Variants in FECH observed in about 807,000 individuals in gnomAD.
FECH encodes ferrochelatase, mitochondrial.
A neutral mutation model predicts 56.9 loss-of-function variants in FECH; 40 were observed. The ratio of observed to expected loss-of-function variants is 0.70; its 90% CI spans 0.55 to 0.92. The LOEUF is 0.92. FECH is among the 40% of genes least tolerant of loss of function. The pLI is 0.00. For missense variants in FECH, 431 were observed against 529.1 expected (o/e 0.81, Z 1.82); for synonymous variants, 175 against 198.6 (o/e 0.88, Z 1.00).
At position 57,562,925 on chromosome 18, in the gene FECH, C is replaced by T. The variant is rs187469660; in HGVS notation, c.654G>A (p.Thr218=). 44 of 1,613,910 alleles carry T rather than the reference C, an allele frequency of 2.7e-5. No homozygotes were observed. The Admixed American group carries it at 5.8e-4, about 21-fold the overall frequency. ...RYYNQVGRKP[T]MKWSTIDRWP... is the part of the protein sequence containing the mutation. ...ACCTGTCAATAGTGCTCCACTTCAT[C>T]GTGGGCTTCCGTCCCACTTGATTAT... Residue 218 remains threonine, a synonymous_variant, in exon 6 of 11, where the codon ACG becomes ACA. Transcript: ENST00000262093.
In FECH at chr18:57,564,147, G is replaced by A. The variant is rs147924968; in HGVS notation, c.599-1167C>T. Among the ~76,000 whole-genome samples, 322 of 152,214 alleles carry A rather than the reference G, an allele frequency of 2.1e-3. 2 individuals are homozygous for A. The highest frequency in any genetic ancestry group is 7.7e-3 in the South Asian group (37 of 4,818). On this transcript the variant is annotated intron_variant, in intron 5 of 10. Transcript: ENST00000262093. ...CCCGCCTGGGCCTCCCAAAGTGCTGGGATTACAGGGGTGAGCCACCGCGCC... is the reference window on the plus strand; with the variant it reads ...CCCGCCTGGGCCTCCCAAAGTGCTGAGATTACAGGGGTGAGCCACCGCGCC...
intron 2 of FECH, among the ~76,000 whole-genome samples, chr18:57,579,640 A>G (rs1344119856): frequency 3.9e-5 from 6 of 152,188 alleles, no homozygotes; most frequent in Non-Finnish European, 5.9e-5. Flanking sequence ...TACTTCTTTT[A>G]TAATTACGTT....
At chr18:57,564,691 G>A (rs1010257469) in intron 5 of FECH, among the ~76,000 whole-genome samples, 31 of 152,212 alleles carry the variant, frequency 2.0e-4, no homozygotes, top group African/African-American at 7.0e-4. Flanking sequence ...TCCATTCAAG[G>A]TTCAGAAACA....
chr18:57,560,724 T>C (rs2050933516), intron 6 of FECH, among the ~76,000 whole-genome samples: 1 of 152,226 alleles, frequency 6.6e-6, no homozygotes, highest in Non-Finnish European at 1.5e-5. Context: ...ATCTTGTAAC[T>C]TTTCTGCATA....
At chr18:57,585,174 T>C (rs2051349016) in intron 1 of FECH, among the ~76,000 whole-genome samples, 1 of 152,186 alleles carries the variant, frequency 6.6e-6, no homozygotes, top group Admixed American at 6.5e-5. Context: ...TATAAAACTT[T>C]GCTTTTCCAC....
intron 9 of FECH, among the ~76,000 whole-genome samples, chr18:57,552,825 G>A (rs2050816220): frequency 6.6e-6 from 1 of 152,212 alleles, no homozygotes; most frequent in Admixed American, 6.5e-5. Flanking sequence ...ATAAAAGTCA[G>A]TTACAACAGA....
intron 2 of FECH, among the ~76,000 whole-genome samples, chr18:57,579,361 C>G (rs1386971369): frequency 6.6e-6 from 1 of 151,176 alleles, no homozygotes; most frequent in Non-Finnish European, 1.5e-5. Context: ...TGTGATCTAG[C>G]AGAAAGGTCA....
chr18:57,548,558 A>G lies in FECH; in HGVS notation c.*2154T>C, dbSNP rs2050750186. ...GCTAATTACCAGGGCAAACATTTGT[A>G]TTTCAAAGTTGACCAACAGGATGAC... On this transcript the variant is annotated 3_prime_UTR_variant, in exon 11 of 11. Transcript: ENST00000262093. 6.6e-6 allele frequency: 1 copy of G among 152,224 alleles called. No homozygotes were observed. The allele number at this position is 152,224 out of a possible 1,614,324, so 9.4% of individuals were successfully genotyped here.
intron 7 of FECH, among the ~76,000 whole-genome samples, chr18:57,555,546 A>C (rs1287018586): frequency 6.6e-6 from 1 of 152,230 alleles, no homozygotes; most frequent in Non-Finnish European, 1.5e-5. Context: ...CAAATGTTTC[A>C]TACATGATCC....
At chr18:57,559,041 C>G (rs2050904966) in intron 7 of FECH, 104 bp downstream of exon 7, 4 of 802,136 alleles carry the variant, frequency 5.0e-6, no homozygotes, top group Middle Eastern at 2.2e-4. Context: ...CATTCTTGCA[C>G]TGGGCTTAGG....
At chr18:57,569,008 A>C (rs1196447954) in intron 4 of FECH, among the ~76,000 whole-genome samples, 2 of 152,202 alleles carry the variant, frequency 1.3e-5, no homozygotes, top group African/African-American at 4.8e-5. Context: ...TTAAGTAAGT[A>C]AACTGCCTGA....
intron 4 of FECH, among the ~76,000 whole-genome samples, chr18:57,570,031 TCG>T (rs1491211390): frequency 8.7e-4 from 69 of 79,124 alleles, no homozygotes; most frequent in African/African-American, 1.3e-3. Flanking sequence ...GTTGTTGTTG[TCG>T]TGTGTGTGTG....
intron 1 of FECH, among the ~76,000 whole-genome samples, chr18:57,580,856 C>T (rs192811359): frequency 6.6e-6 from 1 of 151,652 alleles, no homozygotes; most frequent in Non-Finnish European, 1.5e-5. Context: ...GTCCCCCAAG[C>T]TCCACACCCA....
chr18:57,570,032 C>CGTGTGT lies in FECH; in HGVS notation c.463+1354_463+1359dup, dbSNP rs10608112. Among the ~76,000 whole-genome samples the CGTGTGT allele has an allele frequency of 5.9e-3, 722 of 122,828 alleles. 3 individuals carry two copies. Among genetic ancestry groups the CGTGTGT allele is most frequent in the Non-Finnish European group, 6.6e-3 (364 of 55,496 alleles). 80.6% of individuals were successfully genotyped at this position (122,828 alleles called of 152,430 possible). A position where few individuals can be genotyped will look rare whatever the true frequency, so the allele number is the denominator to read the frequency against. On this transcript the variant is annotated intron_variant, in intron 4 of 10. Transcript: ENST00000262093. ...TTGCTGTTGTTGTTGTTGTTGTTGTCGTGTGTGTGTGTGTGTGTGTGTGTG... is the reference window on the plus strand; with the variant it reads ...TTGCTGTTGTTGTTGTTGTTGTTGTCGTGTGTGTGTGTGTGTGTGTGTGTGTGTGTG...
At chr18:57,571,747 C>A in intron 3 of FECH, 3 of 632,678 alleles carry the variant, frequency 4.7e-6, no homozygotes, top group Non-Finnish European at 5.3e-6. Flanking sequence ...CTGAGGAATA[C>A]CCAGCTGTGC....
At position 57,586,600 on chromosome 18, in the gene FECH, G is replaced by A. The variant is rs1364824367; in HGVS notation, c.21C>T (p.Asn7=). 7 of 1,523,730 alleles carry A rather than the reference G, an allele frequency of 4.6e-6. No individual in the cohort carries two copies. The highest frequency in any genetic ancestry group is 4.4e-6 in the Non-Finnish European group (5 of 1,142,390). 94.4% of individuals were successfully genotyped at this position (1,523,730 alleles called of 1,614,324 possible). The change falls in exon 1 of 11, where the codon AAC becomes AAT. Residue 7 remains asparagine, a synonymous_variant. Transcript: ENST00000262093. The part of the protein sequence containing the change: MRSLGA[N]MAAALRAAGV... ...CCGCGGCGCGCAGGGCCGCAGCCAT[G>A]TTTGCGCCGAGTGAACGCATTGCCT...
chr18:57,552,933 T>A (rs1005635925), intron 9 of FECH, among the ~76,000 whole-genome samples: 1 of 152,208 alleles, frequency 6.6e-6, no homozygotes, highest in Non-Finnish European at 1.5e-5. Context: ...AAATTCCATG[T>A]GCACCTGTAG....
At chr18:57,569,294 G>A (rs2051062606) in intron 4 of FECH, among the ~76,000 whole-genome samples, 1 of 152,056 alleles carries the variant, frequency 6.6e-6, no homozygotes, top group Admixed American at 6.5e-5. Flanking sequence ...ATAACTCACT[G>A]TCTTAGTTAA....
At chr18:57,551,141 T>G in intron 10 of FECH, 174 bp downstream of exon 10, 1 of 652,496 alleles carries the variant, frequency 1.5e-6, no homozygotes, top group Non-Finnish European at 2.6e-6. Context: ...AATCAGAAAA[T>G]TGGGGCTATC....
Sources: allele counts gnomAD v4.1 joint callset (sites outside exome capture counted in the v4.1 genomes callset), GRCh38; gene constraint gnomAD v4.1.1; transcripts MANE v1.5; gene names NCBI Gene and HGNC (gene_info 2026-07-23, HGNC 2026-07-21).